Variants in STK33 observed in about 807,000 individuals in gnomAD.
The protein encoded by STK33 is serine/threonine-protein kinase 33.
A neutral mutation model predicts 58.0 loss-of-function variants in STK33; 52 were observed. The ratio of observed to expected loss-of-function variants is 0.90; its 90% CI spans 0.72 to 1.13. STK33 has a LOEUF of 1.13. STK33 is among the 50% of genes most tolerant of loss of function. The probability of loss-of-function intolerance (pLI) is 0.00; values close to 1 mark genes in which losing one functional copy is unlikely to be tolerated. For synonymous variants in STK33, 215 were observed against 200.1 expected (o/e 1.07, Z -0.63); for missense variants, 630 against 604.2 (o/e 1.04, Z -0.45).
At chr11:8,338,022 T>G in the STK33 span, among the ~76,000 whole-genome samples, 1 of 152,204 alleles carries the variant, frequency 6.6e-6, no homozygotes, top group African/African-American at 2.4e-5. Flanking sequence ...CTGTTTCTTT[T>G]CCTTGCTTGT....
intron 1 of STK33, among the ~76,000 whole-genome samples, chr11:8,588,242 A>G (rs1020582437): frequency 6.6e-6 from 1 of 152,196 alleles, no homozygotes; most frequent in Non-Finnish European, 1.5e-5. Flanking sequence ...CAAACATTCA[A>G]TCCATAGCAC....
In STK33 at chr11:8,527,822, C is replaced by T. The variant is rs201088389; in HGVS notation, c.-465-47208G>A. ...AGGAAACAGCCCATTTACCAAAACA[C>T]TTCCACTACTACATTTCCTCTGACA... On this transcript the variant is annotated intron_variant, in intron 1 of 15. Coordinates refer to ENST00000687296, the MANE Select transcript of STK33 (RefSeq NM_001352389.2). Among the ~76,000 whole-genome samples, 6 of 152,298 alleles carry T rather than the reference C, an allele frequency of 3.9e-5. No homozygotes were observed. The East Asian group carries it at 1.2e-3, about 29-fold the overall frequency.
rs1208460025 is a variant in STK33, at chr11:8,557,276, G to GA, written c.-466+36806_-466+36807insT. On this transcript the variant is annotated intron_variant, in intron 1 of 15. Coordinates refer to ENST00000687296, the MANE Select transcript of STK33 (RefSeq NM_001352389.2). Reference sequence around the variant, plus strand: ...GAAGGGAAGGGGAGGGGAGGGGAGGGGAGGGGAGGGGAGGAGAGAAGAGGA... The same window carrying GA: ...GAAGGGAAGGGGAGGGGAGGGGAGGGAGAGGGGAGGGGAGGAGAGAAGAGGA... Among the ~76,000 whole-genome samples, 45 of 38,700 alleles carry GA rather than the reference G, an allele frequency of 1.2e-3. 1 individual carries two copies. The highest frequency in any genetic ancestry group is 0.014 in the Middle Eastern group (1 of 72). The allele number at this position is 38,700 out of a possible 152,430, so 25.4% of individuals were successfully genotyped here.
At chr11:8,590,873 T>C (rs1011652867) in intron 1 of STK33, among the ~76,000 whole-genome samples, 1 of 152,214 alleles carries the variant, frequency 6.6e-6, no homozygotes, top group Admixed American at 6.5e-5. Context: ...CATACCAATT[T>C]AACAATGCCA....
At chr11:8,440,202 C>T (rs1944566031) in intron 12 of STK33, among the ~76,000 whole-genome samples, 1 of 152,072 alleles carries the variant, frequency 6.6e-6, no homozygotes, top group South Asian at 2.1e-4. Flanking sequence ...AGCAGCACAA[C>T]ATCATTATGG....
intron 14 of STK33, among the ~76,000 whole-genome samples, chr11:8,427,634 T>G (rs1156878637): frequency 6.6e-6 from 1 of 152,124 alleles, no homozygotes; most frequent in Non-Finnish European, 1.5e-5. Context: ...TTTTATATTT[T>G]CAACTTATTT....
intron 1 of STK33, among the ~76,000 whole-genome samples, chr11:8,493,121 G>A (rs931963646): frequency 6.6e-6 from 1 of 152,008 alleles, no homozygotes; most frequent in Non-Finnish European, 1.5e-5. Context: ...AGGAGATAGA[G>A]ACACAAAAAA....
chr11:8,420,996 G>A (rs1245547205), intron 14 of STK33, among the ~76,000 whole-genome samples: 3 of 151,656 alleles, frequency 2.0e-5, no homozygotes, highest in Admixed American at 6.6e-5. Flanking sequence ...AAAAAAAAGG[G>A]GAGGGGGGGA....
intron 7 of STK33, among the ~76,000 whole-genome samples, chr11:8,463,597 C>G (rs1251309261): frequency 6.6e-6 from 1 of 152,066 alleles, no homozygotes; most frequent in Non-Finnish European, 1.5e-5. Context: ...GGAAAGTTAC[C>G]CCAATTTCTC....
intron 1 of STK33, among the ~76,000 whole-genome samples, chr11:8,522,442 G>A (rs1228319546): frequency 6.6e-6 from 1 of 151,376 alleles, no homozygotes; most frequent in Non-Finnish European, 1.5e-5. Context: ...GTTGGACACA[G>A]GGTGGGGAAC....
intron 1 of STK33, among the ~76,000 whole-genome samples, chr11:8,515,039 T>C (rs1183139059): frequency 6.6e-6 from 1 of 152,060 alleles, no homozygotes; most frequent in Non-Finnish European, 1.5e-5. Flanking sequence ...TAATAGCAGA[T>C]TAAACTCAGC....
chr11:8,446,190 T>C (rs768276358), intron 11 of STK33, among the ~76,000 whole-genome samples: 3 of 152,200 alleles, frequency 2.0e-5, no homozygotes, highest in Non-Finnish European at 4.4e-5. Flanking sequence ...TATTCTCTGA[T>C]GGTAGCTTGT....
chr11:8,402,942 T>C (rs890846100), intron 15 of STK33, among the ~76,000 whole-genome samples: 1 of 152,236 alleles, frequency 6.6e-6, no homozygotes, highest in Admixed American at 6.5e-5. Flanking sequence ...GATGCAATTT[T>C]ATAGTTTTGT....
intron 1 of STK33, among the ~76,000 whole-genome samples, chr11:8,590,529 T>G (rs1388089742): frequency 1.3e-5 from 2 of 152,176 alleles, no homozygotes; most frequent in Non-Finnish European, 2.9e-5. Context: ...TGAACTTCAC[T>G]GACAAGTCAA....
chr11:8,442,478 C>A (rs192747477), intron 11 of STK33, among the ~76,000 whole-genome samples: 1 of 152,254 alleles, frequency 6.6e-6, no homozygotes, highest in Non-Finnish European at 1.5e-5. Flanking sequence ...GTCATCCCAG[C>A]CCTCATAGGG....
the STK33 span, among the ~76,000 whole-genome samples, chr11:8,360,176 C>G: frequency 1.3e-5 from 2 of 152,244 alleles, no homozygotes; most frequent in Non-Finnish European, 2.9e-5. Flanking sequence ...GCATGACACC[C>G]TACAACTCCA....
chr11:8,390,559 A>G (rs1848606674), downstream of STK33, among the ~76,000 whole-genome samples: 2 of 152,204 alleles, frequency 1.3e-5, no homozygotes, highest in African/African-American at 4.8e-5. Flanking sequence ...TAACAAAAAT[A>G]CCACTAAGTA....
At chr11:8,394,250 A>G (rs1261201701) in intron 15 of STK33, among the ~76,000 whole-genome samples, 1 of 152,240 alleles carries the variant, frequency 6.6e-6, no homozygotes, top group African/African-American at 2.4e-5. Flanking sequence ...ATGTTAGAGC[A>G]TCTGGCTGAG....
chr11:8,451,397 A>T (rs963274894), intron 11 of STK33, among the ~76,000 whole-genome samples: 2 of 152,228 alleles, frequency 1.3e-5, no homozygotes, highest in African/African-American at 4.8e-5. Flanking sequence ...CAACTATTCA[A>T]CAATATAGAA....
Sources: allele counts gnomAD v4.1 joint callset (sites outside exome capture counted in the v4.1 genomes callset), GRCh38; gene constraint gnomAD v4.1.1; transcripts MANE v1.5; gene names NCBI Gene and HGNC (gene_info 2026-07-23, HGNC 2026-07-21).